The following WASL variants were observed in gnomAD, a reference collection of about 807,000 sequenced individuals.
The protein encoded by WASL is WASP like actin nucleation promoting factor.
Under a neutral mutation model 55.5 loss-of-function variants are expected in WASL, and 20 were observed. The ratio of observed to expected loss-of-function variants is 0.36; its 90% CI spans 0.25 to 0.52. The LOEUF (loss-of-function observed/expected upper bound fraction) is 0.52, where lower values mean the gene tolerates loss of function less well. Among genes scored for constraint, WASL ranks in the 20% least tolerant of loss-of-function variants. WASL has a pLI of 0.92. For synonymous variants in WASL, 249 were observed against 217.6 expected (o/e 1.14, Z -1.27); for missense variants, 504 against 622.5 (o/e 0.81, Z 2.03).
Position 123,698,969 on chromosome 7 carries a change from C to A in WASL, c.461-2222G>T, listed in dbSNP as rs1803533450. 2.6e-5 allele frequency among the ~76,000 whole-genome samples: 4 copies of A among 152,180 alleles called. No individual in the cohort carries two copies. The South Asian group carries it at 8.3e-4, about 31-fold the overall frequency. On this transcript the variant is annotated intron_variant, in intron 5 of 10. Coordinates refer to ENST00000223023, the MANE Select transcript of WASL (RefSeq NM_003941.4). ...TTCTTCCCTTTCTGCCCTCTCACTT[C>A]TTATCTTTACCAGTCAGTATCAGCA...
intron 10 of WASL, among the ~76,000 whole-genome samples, chr7:123,685,859 T>TATATATAA (rs57861743): frequency 7.0e-5 from 10 of 142,964 alleles, no homozygotes; most frequent in African/African-American, 2.1e-4. Flanking sequence ...TACATATACC[T>TATATATAA]ATATATAAAT....
intron 1 of WASL, among the ~76,000 whole-genome samples, chr7:123,740,586 T>G (rs1804323198): frequency 6.6e-6 from 1 of 152,106 alleles, no homozygotes; most frequent in African/African-American, 2.4e-5. Context: ...CAATGTCCTT[T>G]CATCATAACT....
In WASL at chr7:123,709,756, C is replaced by T. The variant is rs1224941132; in HGVS notation, c.118-533G>A. ...TTGTATAAAGCAGTTAAGCACTTAT[C>T]TAGATAAGGATTGAGACAAACTTGA... On this transcript the variant is annotated intron_variant, in intron 1 of 10. Coordinates refer to ENST00000223023, the MANE Select transcript of WASL (RefSeq NM_003941.4). Among the ~76,000 whole-genome samples, 4 of 152,246 alleles carry T rather than the reference C, an allele frequency of 2.6e-5. No homozygotes were observed. The South Asian group carries it at 8.3e-4, about 32-fold the overall frequency.
chr7:123,700,813 C>T (rs1803577007), intron 5 of WASL, among the ~76,000 whole-genome samples: 1 of 152,192 alleles, frequency 6.6e-6, no homozygotes, highest in African/African-American at 2.4e-5. Flanking sequence ...TTACAAATGT[C>T]ATAATACATT....
chr7:123,730,290 A>G (rs1362001607), intron 1 of WASL, among the ~76,000 whole-genome samples: 3 of 152,202 alleles, frequency 2.0e-5, no homozygotes, highest in Non-Finnish European at 4.4e-5. Flanking sequence ...GAACGAATAA[A>G]TGGTGAATAA....
intron 5 of WASL, among the ~76,000 whole-genome samples, chr7:123,699,404 G>A (rs937334570): frequency 6.6e-6 from 1 of 151,924 alleles, no homozygotes; most frequent in Non-Finnish European, 1.5e-5. Context: ...AAAAGAATTA[G>A]GCACTCTCTT....
chr7:123,707,761 A>G (rs1803694324), intron 2 of WASL, among the ~76,000 whole-genome samples: 1 of 152,122 alleles, frequency 6.6e-6, no homozygotes, highest in South Asian at 2.1e-4. Context: ...GGTTTCTTTC[A>G]AACTACGTAT....
chr7:123,689,160 G>C lies in WASL; in HGVS notation c.1348-10C>G. ...CTTGGCCATCAGCCACCTTGGAAAA[G>C]AAAGTTAGCAAAACTCAGTAATAAA... On this transcript the variant is annotated splice_polypyrimidine_tract_variant and intron_variant, in intron 9 of 10. Transcript: ENST00000223023. 1 of 1,607,806 alleles carries C rather than the reference G, an allele frequency of 6.2e-7. No homozygotes were observed.
chr7:123,692,832 G>A lies in WASL; in HGVS notation c.862C>T (p.Pro288Ser), dbSNP rs1803436066. The stretch of plus-strand genomic sequence containing the variant: ...TTGTGTGGAGGGGGAGGAGGAGGAG[G>A]TGGCCCTCCCCTTGATGGTGGTGGA... ...PPPPPSRGGP[P>S]PPPPPPHNSG... The change falls in exon 9 of 11, where the codon CCT becomes TCT. Residue 288 changes from proline (P) to serine (S), a missense_variant. Pro to Ser is a moderately conservative substitution (Grantham distance 74). Around this residue, in one of 5 missense-constraint regions of WASL, gnomAD observed 201 missense variants for 206.2 expected, o/e 0.97. Coordinates refer to ENST00000223023, the MANE Select transcript of WASL (RefSeq NM_003941.4). 2 of 1,393,672 alleles carry A rather than the reference G, an allele frequency of 1.4e-6. No homozygotes were observed. Among genetic ancestry groups the A allele is most frequent in the African/African-American group, 1.5e-5 (1 of 68,324 alleles). The allele number at this position is 1,393,672 out of a possible 1,614,324, so 86.3% of individuals were successfully genotyped here.
chr7:123,722,686 G>A (rs946879615), intron 1 of WASL, among the ~76,000 whole-genome samples: 12 of 152,066 alleles, frequency 7.9e-5, no homozygotes, highest in African/African-American at 2.9e-4. Context: ...CAGGCGTGGT[G>A]GTGTGTGACT....
At position 123,692,916 on chromosome 7, in the gene WASL, A is replaced by C. The variant is rs371782535; in HGVS notation, c.827-49T>G. ...AAGGCATGCTTTTTTCTTCTCATAA[A>C]CATCATATTGAAAAGTAATTCATTT... On this transcript the variant is annotated intron_variant, in intron 8 of 10. Transcript: ENST00000223023. 21 of 1,333,628 alleles carry C rather than the reference A, an allele frequency of 1.6e-5. No homozygotes were observed. In the African/African-American group the frequency reaches 1.9e-4, roughly 12 times the overall value. The allele number at this position is 1,333,628 out of a possible 1,614,324, so 82.6% of individuals were successfully genotyped here.
At chr7:123,738,050 T>C (rs183061391) in intron 1 of WASL, among the ~76,000 whole-genome samples, 165 of 152,174 alleles carry the variant, frequency 1.1e-3, no homozygotes, top group African/African-American at 3.8e-3. Context: ...AGAAGAAATA[T>C]AAATGGTCAA....
At chr7:123,723,643 T>C (rs80217825) in intron 1 of WASL, among the ~76,000 whole-genome samples, 2,612 of 152,270 alleles carry the variant, frequency 0.017, 75 homozygotes, top group African/African-American at 0.059. Context: ...TAAATTAAGA[T>C]TCTCTCCCAG....
At chr7:123,686,438 A>G (rs1803291417) in intron 10 of WASL, among the ~76,000 whole-genome samples, 1 of 152,118 alleles carries the variant, frequency 6.6e-6, no homozygotes, top group Non-Finnish European at 1.5e-5. Context: ...ATCAGTATCT[A>G]TGGTGAAGAG....
intron 8 of WASL, among the ~76,000 whole-genome samples, chr7:123,693,550 C>T (rs1803446867): frequency 6.6e-6 from 1 of 152,172 alleles, no homozygotes; most frequent in Admixed American, 6.5e-5. Flanking sequence ...TGGTTATTAA[C>T]AAATTAACTG....
At chr7:123,709,471 TA>T (rs1186019130) in intron 1 of WASL, among the ~76,000 whole-genome samples, 1 of 152,230 alleles carries the variant, frequency 6.6e-6, no homozygotes, top group African/African-American at 2.4e-5. Context: ...TATTGATGCT[TA>T]AAATGTGTTA....
rs1804235065 is a variant in WASL at position 123,736,608 on chromosome 7, T to C, written c.117+12010A>G. On this transcript the variant is annotated intron_variant, in intron 1 of 10. Transcript: ENST00000223023. ...GGGGCCTTATCACATATGTGGTCCATCACTGACTGAAACACCATTATGTGA... is the reference window on the plus strand; with the variant it reads ...GGGGCCTTATCACATATGTGGTCCACCACTGACTGAAACACCATTATGTGA... 5.9e-5 allele frequency among the ~76,000 whole-genome samples: 9 copies of C among 152,312 alleles called. 1 individual carries two copies. The highest frequency in any genetic ancestry group is 4.1e-4 in the South Asian group (2 of 4,828).
intron 1 of WASL, among the ~76,000 whole-genome samples, chr7:123,737,628 G>A (rs1804260329): frequency 6.8e-6 from 1 of 147,170 alleles, no homozygotes; most frequent in South Asian, 2.2e-4. Context: ...ATTTCATATG[G>A]GAGAAAATAA....
At chr7:123,692,257 A>T in intron 9 of WASL, 90 bp downstream of exon 9, 1 of 1,467,946 alleles carries the variant, frequency 6.8e-7, no homozygotes, top group Non-Finnish European at 9.0e-7. Flanking sequence ...GGAAAAAAGA[A>T]TACACTTTTC....
Sources: gnomAD v4.1 joint callset for allele counts (sites outside exome capture counted in the v4.1 genomes callset) on GRCh38, gnomAD v4.1.1 for gene constraint, gnomAD v4.1.1 regional missense constraint, MANE v1.5 for transcripts, NCBI Gene and HGNC (gene_info 2026-07-23, HGNC 2026-07-21) for gene names.